Variants in JAK2 observed in about 807,000 individuals in gnomAD.
JAK2 encodes the protein Janus kinase 2, also known as tyrosine-protein kinase JAK2.
In JAK2, 86 loss-of-function variants were observed where a neutral mutation model predicts 139.3. That is an observed-to-expected ratio of 0.62 (90% confidence interval 0.52 to 0.74). The LOEUF (loss-of-function observed/expected upper bound fraction) is 0.74, where lower values mean the gene tolerates loss of function less well. Ranked by LOEUF, JAK2 falls within the 30% of genes least tolerant of loss-of-function variation. The pLI is 0.00. For missense variants in JAK2, 1,421 were observed against 1,360.3 expected (o/e 1.04, Z -0.70); for synonymous variants, 490 against 437.7 (o/e 1.12, Z -1.49).
intron 22 of JAK2, chr9:5,111,065 A>G: frequency 1.7e-6 from 2 of 1,176,536 alleles, no homozygotes; most frequent in Admixed American, 2.0e-5. Context: ...GGTCTTGAGA[A>G]CTGGCCCAGC....
At chr9:5,010,428 C>G (rs887127306) in intron 2 of JAK2, among the ~76,000 whole-genome samples, 17 of 151,920 alleles carry the variant, frequency 1.1e-4, no homozygotes, top group African/African-American at 4.1e-4. Context: ...TCAAGCAATT[C>G]TCCTGCCTCA....
rs190235294 is a variant in JAK2, at chr9:5,120,318, C to T, written c.3060-2686C>T. 3.6e-3 allele frequency among the ~76,000 whole-genome samples: 551 copies of T among 152,338 alleles called. 3 individuals are homozygous for T. The highest frequency in any genetic ancestry group is 0.013 in the African/African-American group (529 of 41,570). On this transcript the variant is annotated intron_variant, in intron 22 of 24. Transcript: ENST00000381652. ...TCTTAAAGGCCCCACCTGTTAATACCATCACATTAACAACACCTGAATTTT... is the reference window on the plus strand; with the variant it reads ...TCTTAAAGGCCCCACCTGTTAATACTATCACATTAACAACACCTGAATTTT...
chr9:5,085,901 A>G, intron 19 of JAK2: 5 of 893,774 alleles, frequency 5.6e-6, no homozygotes, highest in Non-Finnish European at 9.5e-6. Context: ...GTTCCTTTCT[A>G]ATACCCTCAT....
chr9:5,126,237 A>T (rs1027622466), intron 23 of JAK2, 96 bp from the exon 24 acceptor site: 10 of 756,116 alleles, frequency 1.3e-5, no homozygotes, highest in Non-Finnish European at 2.0e-5. Flanking sequence ...AAAAGCACAC[A>T]TATACTAAAT....
At chr9:5,111,995 AG>A in intron 22 of JAK2, 1 of 372,482 alleles carries the variant, frequency 2.7e-6, no homozygotes. Context: ...AGGGCCTGGG[AG>A]GGACGTCGCA....
chr9:5,054,548 C>T lies in JAK2; in HGVS notation c.615-15C>T. The T allele has an allele frequency of 1.3e-6, 2 of 1,537,286 alleles. No individual in the cohort carries two copies. Among genetic ancestry groups the T allele is most frequent in the Non-Finnish European group, 1.8e-6 (2 of 1,141,618 alleles). On this transcript the variant is annotated splice_polypyrimidine_tract_variant and intron_variant, in intron 6 of 24. Transcript: ENST00000381652. The surrounding 1 kb of genome is among the most constrained non-coding windows in gnomAD (Gnocchi z 4.9). Reference sequence around the variant, plus strand: ...GTTTTGTTTTGTTTTTCTGTATGTGCTTTTTTATCCCTAGCTACAAGACAT... The same window carrying T: ...GTTTTGTTTTGTTTTTCTGTATGTGTTTTTTTATCCCTAGCTACAAGACAT...
chr9:5,108,037 C>G (rs1251825204), intron 22 of JAK2: 2 of 152,098 alleles, frequency 1.3e-5, no homozygotes, highest in African/African-American at 4.8e-5. Context: ...CCTCATCACC[C>G]TATTGTTTTT....
At chr9:5,114,084 A>T (rs536361424) in intron 22 of JAK2, 96 of 336,122 alleles carry the variant, frequency 2.9e-4, no homozygotes, top group African/African-American at 2.0e-3. Flanking sequence ...CCTCACCCAG[A>T]AGCGCTGGCT....
intron 22 of JAK2, chr9:5,112,734 C>A: frequency 1.3e-6 from 1 of 741,768 alleles, no homozygotes; most frequent in Non-Finnish European, 2.0e-6. Flanking sequence ...CCCAAAACAG[C>A]CTGTTTGAAA....
rs138065663 is a variant in JAK2, at chr9:5,013,821, A to G, written c.-25-8142A>G. ...TTAGATGATGTGTAATTTACTATAA[A>G]TCATAGATTTTTAAGAATTGGGAGG... On this transcript the variant is annotated intron_variant, in intron 2 of 24. Transcript: ENST00000381652. Among the ~76,000 whole-genome samples the G allele has an allele frequency of 1.1e-4, 17 of 152,270 alleles. No homozygotes were observed. The East Asian group carries it at 3.1e-3, about 28-fold the overall frequency.
intron 23 of JAK2, among the ~76,000 whole-genome samples, chr9:5,124,862 C>T (rs1040553111): frequency 8.6e-5 from 13 of 151,452 alleles, no homozygotes; most frequent in African/African-American, 3.1e-4. Context: ...CTAGGACTCA[C>T]TTTAGAGCTT....
chr9:5,111,987 G>A (rs1822611107), intron 22 of JAK2: 2 of 366,562 alleles, frequency 5.5e-6, no homozygotes, highest in South Asian at 2.1e-5. Context: ...CTCCCCCCAG[G>A]GCCTGGGAGG....
chr9:5,094,279 C>G (rs546299847), intron 22 of JAK2: 1 of 152,338 alleles, frequency 6.6e-6, no homozygotes, highest in Admixed American at 6.5e-5. Flanking sequence ...TCTACTGTTA[C>G]CCTTTATATC....
intron 2 of JAK2, among the ~76,000 whole-genome samples, chr9:5,020,780 A>G (rs763986381): frequency 2.6e-5 from 4 of 152,062 alleles, no homozygotes; most frequent in Non-Finnish European, 4.4e-5. Flanking sequence ...CTTTGGTCCC[A>G]GAGGCGGCAG....
intron 4 of JAK2, chr9:5,041,009 C>T (rs1816457593): frequency 1.8e-5 from 12 of 657,256 alleles, no homozygotes; most frequent in South Asian, 1.6e-4. Flanking sequence ...TTCCGGACCC[C>T]GCAGCTGCAC....
At chr9:5,040,806 G>A in intron 4 of JAK2, 1 of 206,294 alleles carries the variant, frequency 4.8e-6, no homozygotes, top group Non-Finnish European at 9.9e-6. Context: ...AGGCGGTGCA[G>A]GAGCTGGAGC....
chr9:5,011,522 G>A (rs1336660567), intron 2 of JAK2, among the ~76,000 whole-genome samples: 2 of 152,028 alleles, frequency 1.3e-5, no homozygotes, highest in Non-Finnish European at 2.9e-5. Context: ...TTTACATATG[G>A]CTTCTTTATC....
chr9:5,069,840 G>C (rs1818828735), intron 11 of JAK2, 85 bp from the exon 12 acceptor site: 7 of 815,918 alleles, frequency 8.6e-6, no homozygotes, highest in Non-Finnish European at 1.3e-5. Flanking sequence ...CTTATACGTA[G>C]AACACATTTC....
intron 2 of JAK2, among the ~76,000 whole-genome samples, chr9:5,009,829 G>A (rs1315401699): frequency 6.6e-6 from 1 of 150,644 alleles, no homozygotes; most frequent in African/African-American, 2.4e-5. Context: ...GGAGTGAAGT[G>A]GTGCCAACCT....
Sources: allele counts gnomAD v4.1 joint callset (sites outside exome capture counted in the v4.1 genomes callset), GRCh38; gene constraint gnomAD v4.1.1; non-coding constraint Gnocchi (gnomAD v3.1); transcripts MANE v1.5; gene names NCBI Gene and HGNC (gene_info 2026-07-23, HGNC 2026-07-21).